FAM107B: variants seen among roughly 807,000 people sequenced by gnomAD.
FAM107B encodes the protein family with sequence similarity 107 member B, also known as protein FAM107B.
FAM107B carries 21 observed loss-of-function variants against 31.5 expected under a neutral mutation model. The ratio of observed to expected loss-of-function variants is 0.67; its 90% CI spans 0.47 to 0.96. The LOEUF is 0.96. FAM107B is among the 40% of genes least tolerant of loss of function. FAM107B has a pLI of 0.00. For synonymous variants in FAM107B, 157 were observed against 141.5 expected (o/e 1.11, Z -0.78); for missense variants, 452 against 377.1 (o/e 1.20, Z -1.64).
intron 2 of FAM107B, among the ~76,000 whole-genome samples, chr10:14,582,453 G>A (rs944778217): frequency 7.4e-6 from 1 of 134,902 alleles, no homozygotes; most frequent in Non-Finnish European, 1.5e-5. Context: ...CTCTGCTCAC[G>A]GCAACCTCCG....
intron 1 of FAM107B, among the ~76,000 whole-genome samples, chr10:14,725,961 G>T (rs1422106605): frequency 6.6e-6 from 1 of 151,600 alleles, no homozygotes; most frequent in Non-Finnish European, 1.5e-5. Flanking sequence ...AAGTAGCTGG[G>T]ATTACAGGCA....
chr10:14,522,206 G>T (rs529997594), intron 3 of FAM107B, 187 bp from the exon 4 acceptor site: 4 of 700,478 alleles, frequency 5.7e-6, no homozygotes, highest in Non-Finnish European at 9.2e-6. Context: ...GGCAAGAGGA[G>T]ATCTCCAAAG....
chr10:14,540,834 C>T (rs1228335657), intron 2 of FAM107B, among the ~76,000 whole-genome samples: 1 of 152,152 alleles, frequency 6.6e-6, no homozygotes, highest in African/African-American at 2.4e-5. Flanking sequence ...TATTGAAGGC[C>T]TCTGAGGTGC....
chr10:14,706,108 T>C (rs1363513870), intron 1 of FAM107B, among the ~76,000 whole-genome samples: 3 of 152,230 alleles, frequency 2.0e-5, no homozygotes, highest in Non-Finnish European at 4.4e-5. Context: ...CATTCTTTCC[T>C]GATAAGCAAC....
At chr10:14,626,928 T>C (rs1853181197) in intron 2 of FAM107B, among the ~76,000 whole-genome samples, 1 of 152,220 alleles carries the variant, frequency 6.6e-6, no homozygotes, top group Non-Finnish European at 1.5e-5. Flanking sequence ...TACCTCTTTC[T>C]ATCTTTTGGA....
chr10:14,711,465 G>C (rs1278476383), intron 1 of FAM107B, among the ~76,000 whole-genome samples: 1 of 151,990 alleles, frequency 6.6e-6, no homozygotes, highest in African/African-American at 2.4e-5. Context: ...TGTTACAATT[G>C]CCTACAGTAT....
intron 2 of FAM107B, chr10:14,571,986 T>C (rs1016470715): frequency 1.0e-6 from 1 of 985,326 alleles, no homozygotes; most frequent in Non-Finnish European, 1.2e-6. Context: ...GCAGTAAGAA[T>C]GCACCTTCTG....
chr10:14,552,103 G>C (rs983398751), intron 2 of FAM107B, among the ~76,000 whole-genome samples: 1 of 152,176 alleles, frequency 6.6e-6, no homozygotes, highest in Admixed American at 6.5e-5. Flanking sequence ...ATTTGAAAAG[G>C]ACGGTCTGTG....
At chr10:14,544,359 A>C (rs536469114) in intron 2 of FAM107B, among the ~76,000 whole-genome samples, 17 of 152,328 alleles carry the variant, frequency 1.1e-4, no homozygotes, top group South Asian at 2.1e-4. Context: ...GAATCCCAGA[A>C]ACTCTCCTGA....
chr10:14,526,696 C>G (rs1846270657), intron 3 of FAM107B, among the ~76,000 whole-genome samples: 1 of 152,140 alleles, frequency 6.6e-6, no homozygotes, highest in Non-Finnish European at 1.5e-5. Context: ...AGCTAAAAAC[C>G]AGGAACAAGA....
At chr10:14,668,105 A>T (rs943631858) in intron 1 of FAM107B, among the ~76,000 whole-genome samples, 26 of 152,004 alleles carry the variant, frequency 1.7e-4, no homozygotes, top group African/African-American at 6.3e-4. Flanking sequence ...GCAGTGGCAC[A>T]ATCTCGGCTT....
At chr10:14,753,263 A>G (rs1469507014) in intron 1 of FAM107B, among the ~76,000 whole-genome samples, 1 of 152,212 alleles carries the variant, frequency 6.6e-6, no homozygotes, top group Non-Finnish European at 1.5e-5. Flanking sequence ...CAATACACAC[A>G]TAAAAAGTTT....
At chr10:14,637,335 C>T (rs942473320) in intron 2 of FAM107B, among the ~76,000 whole-genome samples, 1 of 152,090 alleles carries the variant, frequency 6.6e-6, no homozygotes, top group Non-Finnish European at 1.5e-5. Context: ...TAACTTGACT[C>T]TAACCAATAG....
intron 2 of FAM107B, among the ~76,000 whole-genome samples, chr10:14,597,914 C>T (rs750298442): frequency 3.3e-5 from 5 of 152,136 alleles, no homozygotes; most frequent in Non-Finnish European, 5.9e-5. Flanking sequence ...GGCACCACTG[C>T]ACTCCAGCCT....
chr10:14,628,879 T>C (rs997954899), intron 2 of FAM107B, among the ~76,000 whole-genome samples: 1 of 151,904 alleles, frequency 6.6e-6, no homozygotes, highest in African/African-American at 2.4e-5. Context: ...TAAAATAAAA[T>C]AAAATGAAAC....
chr10:14,719,489 G>T (rs1855861574), intron 1 of FAM107B, among the ~76,000 whole-genome samples: 5 of 152,080 alleles, frequency 3.3e-5, no homozygotes, highest in Admixed American at 3.3e-4. Context: ...GAGAGTAAAA[G>T]ATACAAATGG....
At chr10:14,661,408 C>T (rs1046845719) in intron 2 of FAM107B, among the ~76,000 whole-genome samples, 6 of 152,136 alleles carry the variant, frequency 3.9e-5, no homozygotes, top group Non-Finnish European at 2.9e-5. Flanking sequence ...TGTAGGTGGC[C>T]ATTACCCAAT....
intron 1 of FAM107B, among the ~76,000 whole-genome samples, chr10:14,761,710 C>A (rs1007857698): frequency 4.6e-5 from 7 of 152,054 alleles, no homozygotes; most frequent in Admixed American, 3.3e-4. Context: ...AGCGATTCTC[C>A]CACCTTCCTC....
At chr10:14,666,930 G>A (rs1012493476) in intron 2 of FAM107B, among the ~76,000 whole-genome samples, 12 of 152,098 alleles carry the variant, frequency 7.9e-5, no homozygotes, top group Admixed American at 2.6e-4. Flanking sequence ...TAAAGTACAA[G>A]AACATGAGCC....
Sources: allele counts gnomAD v4.1 joint callset (sites outside exome capture counted in the v4.1 genomes callset), GRCh38; gene constraint gnomAD v4.1.1; transcripts MANE v1.5; gene names NCBI Gene and HGNC (gene_info 2026-07-23, HGNC 2026-07-21).